The following ATP2A3 variants were observed in gnomAD, a reference collection of about 807,000 sequenced individuals.
ATP2A3 encodes ATPase sarcoplasmic/endoplasmic reticulum Ca2+ transporting 3.
In ATP2A3, 61 loss-of-function variants were observed where a neutral mutation model predicts 106.8. That is an observed-to-expected ratio of 0.57 (90% CI 0.46 to 0.71). ATP2A3 has a LOEUF of 0.71. ATP2A3 is among the 30% of genes least tolerant of loss of function. The pLI, the probability that ATP2A3 is intolerant of heterozygous loss-of-function variation, is 0.00. For synonymous variants in ATP2A3, 611 were observed against 609.3 expected (o/e 1.00, Z -0.04); for missense variants, 1,201 against 1,423.5 (o/e 0.84, Z 2.52).
chr17:3,951,738 C>G, intron 3 of ATP2A3, 53 bp from the exon 4 acceptor site: 1 of 1,522,608 alleles, frequency 6.6e-7, no homozygotes, highest in Non-Finnish European at 9.0e-7. Context: ...GAGATCTGCT[C>G]TCCTTTTCCT....
At chr17:3,944,595 G>T in intron 10 of ATP2A3, 109 bp downstream of exon 10, 1 of 1,122,620 alleles carries the variant, frequency 8.9e-7, no homozygotes, top group South Asian at 1.3e-5. Context: ...CCTGGGTGTG[G>T]CACTTCCAGG....
chr17:3,950,876 G>A (rs2054379512), intron 5 of ATP2A3, 103 bp from the exon 6 acceptor site: 2 of 1,169,530 alleles, frequency 1.7e-6, no homozygotes, highest in Admixed American at 2.0e-5. Flanking sequence ...GGCGTCGGGT[G>A]CCTGAGCTGT....
rs539298496 is a variant in ATP2A3 at position 3,930,905 on chromosome 17, C to T, written c.2611-471G>A. On this transcript the variant is annotated intron_variant, in intron 17 of 20. Transcript: ENST00000397041. The surrounding 1 kb of genome is among the most constrained non-coding windows in gnomAD (Gnocchi z 5.4). The stretch of plus-strand genomic sequence containing the variant: ...GCTCATGCCTGTCATCCCAGGGAGG[C>T]GGAGGCGGGTGGATCACCTGAGGTC... 1.9e-5 allele frequency: 5 copies of T among 268,306 alleles called. No homozygotes were observed. The highest frequency in any genetic ancestry group is 3.0e-5 in the Non-Finnish European group (4 of 135,508). The allele number at this position is 268,306 out of a possible 1,614,324, so 16.6% of individuals were successfully genotyped here. A position where few individuals can be genotyped will look rare whatever the true frequency, so the allele number is the denominator to read the frequency against.
rs140787007 is a variant in ATP2A3 at position 3,951,647 on chromosome 17, G to A, written c.258C>T (p.Thr86=). ...AWFEEGEETT[T]AFVEPLVIML... is the part of the protein sequence containing the mutation. The stretch of plus-strand genomic sequence containing the variant: ...TGATGACCAGGGGCTCCACGAAGGC[G>A]GTCGTGGTCTCCTCGCCCTCCTCGA... Residue 86 remains threonine, a synonymous_variant, in exon 4 of 21, where the codon ACC becomes ACT. Transcript: ENST00000397041. The A allele has an allele frequency of 4.8e-4, 776 of 1,610,972 alleles. No homozygotes were observed. The highest frequency in any genetic ancestry group is 2.6e-3 in the Admixed American group (154 of 59,806).
rs142060184 is a variant in ATP2A3, at chr17:3,926,467, G to A, written c.2981-1026C>T. 5.9e-5 allele frequency among the ~76,000 whole-genome samples: 9 copies of A among 152,136 alleles called. No homozygotes were observed. The highest frequency in any genetic ancestry group is 9.7e-5 in the African/African-American group (4 of 41,416). On this transcript the variant is annotated intron_variant, in intron 20 of 20. Transcript: ENST00000397041. The surrounding 1 kb of genome is among the most constrained non-coding windows in gnomAD (Gnocchi z 4.6). ...CAAGCCAAACTTCACAGGGACCACCGTCAACATCTCAAGGAGGTGGAGGTG... is the reference window on the plus strand; with the variant it reads ...CAAGCCAAACTTCACAGGGACCACCATCAACATCTCAAGGAGGTGGAGGTG...
At position 3,953,497 on chromosome 17, in the gene ATP2A3, G is replaced by T; in HGVS notation, c.137-68C>A. 6.4e-7 allele frequency: 1 copy of T among 1,573,144 alleles called. No homozygotes were observed. The highest frequency in any genetic ancestry group is 8.7e-7 in the Non-Finnish European group (1 of 1,144,140). On this transcript the variant is annotated intron_variant, in intron 2 of 20. Transcript: ENST00000397041. The surrounding 1 kb of genome is among the most constrained non-coding windows in gnomAD (Gnocchi z 5.1). ...ACCCTGCCCACTCAGAGCTGGGATG[G>T]CCCGGGAGACCTCCCGGCCCATTCC...
rs1229987525 is a variant in ATP2A3 at position 3,950,735 on chromosome 17, T to A, written c.502A>T (p.Ile168Phe). 1 of 1,613,670 alleles carries A rather than the reference T, an allele frequency of 6.2e-7. No homozygotes were observed. Among genetic ancestry groups the A allele is most frequent in the Non-Finnish European group, 8.5e-7 (1 of 1,180,004 alleles). ...KVPADLRLIE[I>F]KSTTLRVDQS... ...TCCACTCGCAGCGTGGTGGACTTGATCTCGATGAGGCGGAGGTCAGCAGGC... is the reference window on the plus strand; with the variant it reads ...TCCACTCGCAGCGTGGTGGACTTGAACTCGATGAGGCGGAGGTCAGCAGGC... Residue 168 changes from isoleucine (I) to phenylalanine (F), a missense_variant, in exon 6 of 21, where the codon ATC (isoleucine) becomes TTC (phenylalanine). By Grantham distance (21) the Ile-to-Phe change is conservative. Around this residue, in one of 2 missense-constraint regions of ATP2A3, gnomAD observed 266 missense variants for 246.8 expected, o/e 1.08. Coordinates refer to ENST00000397041, the MANE Select transcript of ATP2A3 (RefSeq NM_005173.4).
rs148712067 is a variant in ATP2A3, at chr17:3,935,420, C to G, written c.2525-143G>C. 88 of 750,532 alleles carry G rather than the reference C, an allele frequency of 1.2e-4. No individual in the cohort carries two copies. The East Asian group carries it at 1.4e-3, about 12-fold the overall frequency. 46.5% of individuals were successfully genotyped at this position (750,532 alleles called of 1,614,324 possible). A position where few individuals can be genotyped will look rare whatever the true frequency, so the allele number is the denominator to read the frequency against. On this transcript the variant is annotated intron_variant, in intron 16 of 20. Transcript: ENST00000397041. ...CCTGTGGTTTGCAGGCACCTCCCCT[C>G]GATGCCAGTGGTGGGCCCTGGCTGG...
chr17:3,944,624 C>T (rs2053981892), intron 10 of ATP2A3, 80 bp downstream of exon 10: 1 of 1,478,490 alleles, frequency 6.8e-7, no homozygotes, highest in Non-Finnish European at 9.3e-7. Flanking sequence ...GCTGCCAACC[C>T]TGGGAGCTTT....
At chr17:3,939,155 A>G (rs2053602804) in intron 14 of ATP2A3, among the ~76,000 whole-genome samples, 1 of 152,212 alleles carries the variant, frequency 6.6e-6, no homozygotes, top group Non-Finnish European at 1.5e-5. Flanking sequence ...CAACAGAGTG[A>G]GACCTCATCA....
In ATP2A3 at chr17:3,953,309, A is replaced by G. The variant is rs1395045282; in HGVS notation, c.219+38T>C. 6.2e-7 allele frequency: 1 copy of G among 1,605,702 alleles called. No individual in the cohort carries two copies. The highest frequency in any genetic ancestry group is 8.5e-7 in the Non-Finnish European group (1 of 1,172,716). On this transcript the variant is annotated intron_variant, in intron 3 of 20. Coordinates refer to ENST00000397041, the MANE Select transcript of ATP2A3 (RefSeq NM_005173.4). This position sits in a 1 kb window ranked among gnomAD's most constrained non-coding sequence, Gnocchi z 5.1. ...CCAGCCTGGCTCTCCCTCCAGGGCT[A>G]CCGACTACCACAGGATGGCTGGCAG...
In ATP2A3 at chr17:3,929,436, C is replaced by A; in HGVS notation, c.2754G>T (p.Glu918Asp). The change falls in exon 19 of 21, where the codon GAG becomes GAT. Residue 918 changes from glutamate (E) to aspartate (D), a missense_variant. Transcript: ENST00000397041. The surrounding 1 kb of genome is among the most constrained non-coding windows in gnomAD (Gnocchi z 4.3). ...EMCNALNSVS[E>D]NQSLLRMPPW... ...GCGGCATCCGCAGCAGCGACTGGTT[C>A]TCCGAGACGCTGCCAGGGCACAGGG... The A allele has an allele frequency of 6.3e-7, 1 of 1,591,818 alleles. No homozygotes were observed. Among genetic ancestry groups the A allele is most frequent in the Non-Finnish European group, 8.5e-7 (1 of 1,170,206 alleles).
In ATP2A3 at chr17:3,964,278, T is replaced by C. The variant is rs1324143001; in HGVS notation, c.14A>G (p.His5Arg). The change falls in exon 1 of 21, where the codon CAT becomes CGT. Residue 5 changes from histidine (H) to arginine (R), a missense_variant. Coordinates refer to ENST00000397041, the MANE Select transcript of ATP2A3 (RefSeq NM_005173.4). MEAA[H>R]LLPAADVLRH... ...CAGCACGTCGGCGGCCGGGAGCAGA[T>C]GCGCCGCCTCCATGCCGCCCGCCCG... 1 of 1,271,270 alleles carries C rather than the reference T, an allele frequency of 7.9e-7. No homozygotes were observed. Among genetic ancestry groups the C allele is most frequent in the South Asian group, 1.7e-5 (1 of 59,032 alleles). 78.7% of individuals were successfully genotyped at this position (1,271,270 alleles called of 1,614,324 possible).
intron 8 of ATP2A3, 152 bp from the exon 9 acceptor site, chr17:3,945,300 C>T (rs2054051784): frequency 1.6e-5 from 10 of 634,468 alleles, no homozygotes; most frequent in Non-Finnish European, 2.7e-5. Context: ...GGAAATAGAA[C>T]GCAGGGTCCA....
rs1184619700 is a variant in ATP2A3, at chr17:3,928,348, G to A, written c.2980+315C>T. Reference sequence around the variant, plus strand: ...ACAGGCTGGGTGCAGAGGGGTCAGAGGCTGAGGCCCAGAAGAGCACACAGT... The same window carrying A: ...ACAGGCTGGGTGCAGAGGGGTCAGAAGCTGAGGCCCAGAAGAGCACACAGT... On this transcript the variant is annotated intron_variant, in intron 20 of 20. Coordinates refer to ENST00000397041, the MANE Select transcript of ATP2A3 (RefSeq NM_005173.4). The surrounding 1 kb of genome is among the most constrained non-coding windows in gnomAD (Gnocchi z 6.1). The A allele has an allele frequency of 6.2e-7, 1 of 1,606,674 alleles. No homozygotes were observed. The highest frequency in any genetic ancestry group is 8.5e-7 in the Non-Finnish European group (1 of 1,175,054).
rs759729119 is a variant in ATP2A3, at chr17:3,944,820, G to T, written c.1185-14C>A. On this transcript the variant is annotated splice_polypyrimidine_tract_variant and intron_variant, in intron 9 of 20. Transcript: ENST00000397041. ...TCCCCCTGCCGCCTGCGGAGCCGGG[G>T]CGGTCACCAGGAGGACCTCGGCTCC... 1 of 1,601,540 alleles carries T rather than the reference G, an allele frequency of 6.2e-7. No individual in the cohort carries two copies. Among genetic ancestry groups the T allele is most frequent in the Non-Finnish European group, 8.5e-7 (1 of 1,174,118 alleles).
At position 3,931,584 on chromosome 17, in the gene ATP2A3, T is replaced by C. The variant is rs776117903; in HGVS notation, c.2611-1150A>G. On this transcript the variant is annotated intron_variant, in intron 17 of 20. Transcript: ENST00000397041. ...TCACCCGAGCTGGAGTGCAGTGGCA[T>C]GATCTCGGCTCACTGCAAGCTCCGC... Among the ~76,000 whole-genome samples the C allele has an allele frequency of 6.0e-4, 91 of 151,518 alleles. 1 individual carries two copies. The highest frequency in any genetic ancestry group is 1.6e-3 in the African/African-American group (66 of 41,304).
At chr17:3,943,930 CT>C (rs1451499497) in intron 10 of ATP2A3, among the ~76,000 whole-genome samples, 1 of 152,188 alleles carries the variant, frequency 6.6e-6, no homozygotes, top group Non-Finnish European at 1.5e-5. Flanking sequence ...CTCCCACTCT[CT>C]GTATTTGCCA....
At position 3,924,588 on chromosome 17, in the gene ATP2A3, G is replaced by A; in HGVS notation, c.*834C>T. On this transcript the variant is annotated 3_prime_UTR_variant, in exon 21 of 21. Transcript: ENST00000397041. This position sits in a 1 kb window ranked among gnomAD's most constrained non-coding sequence, Gnocchi z 6.4. ...GTGGTCTCAGGTACCAGGGACGCGGGTGGCAAGTTGGACCTCTGCGTGGCA... is the reference window on the plus strand; with the variant it reads ...GTGGTCTCAGGTACCAGGGACGCGGATGGCAAGTTGGACCTCTGCGTGGCA... The A allele has an allele frequency of 2.8e-6, 1 of 351,734 alleles. No homozygotes were observed. Among genetic ancestry groups the A allele is most frequent in the South Asian group, 2.1e-5 (1 of 47,958 alleles). The allele number at this position is 351,734 out of a possible 1,614,324, so 21.8% of individuals were successfully genotyped here.
Sources: allele counts gnomAD v4.1 joint callset (sites outside exome capture counted in the v4.1 genomes callset), GRCh38; gene constraint gnomAD v4.1.1; regional missense constraint gnomAD v4.1.1; non-coding constraint Gnocchi (gnomAD v3.1); transcripts MANE v1.5; gene names NCBI Gene and HGNC (gene_info 2026-07-23, HGNC 2026-07-21).